The following LRMDA variants were observed in gnomAD, a reference collection of about 807,000 sequenced individuals.
LRMDA encodes leucine-rich melanocyte differentiation-associated protein.
In LRMDA, 18 loss-of-function variants were observed where a neutral mutation model predicts 29.8. The ratio of observed to expected loss-of-function variants is 0.60; its 90% CI spans 0.42 to 0.90. The LOEUF is 0.90. Ranked by LOEUF, LRMDA falls within the 40% of genes least tolerant of loss-of-function variation. The pLI is 0.00. For synonymous variants in LRMDA, 125 were observed against 109.4 expected, an observed-to-expected ratio of 1.14 and a Z score of -0.89; for missense variants, 273 against 273.9, an observed-to-expected ratio of 1.00 and a Z score of 0.02.
intron 2 of LRMDA, among the ~76,000 whole-genome samples, chr10:76,007,970 AG>A (rs1312196650): frequency 6.6e-6 from 1 of 152,196 alleles, no homozygotes; most frequent in African/African-American, 2.4e-5. Context: ...AGAGATGATG[AG>A]TGTTCCGAAC....
chr10:75,566,200 C>A (rs190556727), intron 2 of LRMDA, among the ~76,000 whole-genome samples: 1 of 152,272 alleles, frequency 6.6e-6, no homozygotes, highest in African/African-American at 2.4e-5. Context: ...ATTCTTGATT[C>A]CCACAGCACT....
intron 2 of LRMDA, among the ~76,000 whole-genome samples, chr10:75,486,535 G>T (rs2132057288): frequency 6.6e-6 from 1 of 152,306 alleles, no homozygotes; most frequent in East Asian, 1.9e-4. Context: ...GGAGTTGACT[G>T]AGAGAGCATT....
chr10:75,800,241 A>T (rs983337265), intron 2 of LRMDA, among the ~76,000 whole-genome samples: 4 of 152,186 alleles, frequency 2.6e-5, no homozygotes, highest in Non-Finnish European at 4.4e-5. Flanking sequence ...ACCTCTGATC[A>T]TAGTCTCTGC....
intron 2 of LRMDA, among the ~76,000 whole-genome samples, chr10:76,017,083 T>C (rs1847890929): frequency 6.6e-6 from 1 of 152,238 alleles, no homozygotes; most frequent in African/African-American, 2.4e-5. Context: ...TAAGAAGCGC[T>C]CATACTGGAG....
At chr10:76,066,463 C>G (rs1191409816) in intron 5 of LRMDA, among the ~76,000 whole-genome samples, 5 of 152,178 alleles carry the variant, frequency 3.3e-5, no homozygotes, top group African/African-American at 1.2e-4. Context: ...GGAACCAGGT[C>G]CTTTTTTTCC....
intron 5 of LRMDA, among the ~76,000 whole-genome samples, chr10:76,068,331 A>G (rs1055649017): frequency 2.6e-5 from 4 of 152,206 alleles, no homozygotes; most frequent in African/African-American, 9.7e-5. Context: ...TGTGGAGAAG[A>G]TAAAGTAGTA....
intron 5 of LRMDA, among the ~76,000 whole-genome samples, chr10:76,073,380 T>C (rs1848905217): frequency 6.6e-6 from 1 of 152,204 alleles, no homozygotes; most frequent in African/African-American, 2.4e-5. Flanking sequence ...TTTAATGTTT[T>C]ACTTTTTACT....
At chr10:76,324,880 G>T (rs113166239) in intron 6 of LRMDA, among the ~76,000 whole-genome samples, 2,056 of 152,232 alleles carry the variant, frequency 0.014, 27 homozygotes, top group African/African-American at 0.035. Flanking sequence ...CAAAATGAAT[G>T]AACTCTATGT....
intron 2 of LRMDA, among the ~76,000 whole-genome samples, chr10:75,753,939 T>C (rs1842996564): frequency 6.6e-6 from 1 of 152,240 alleles, no homozygotes; most frequent in Non-Finnish European, 1.5e-5. Context: ...TAGCATTTGC[T>C]GGTGCATTGA....
chr10:76,057,909 G>A (rs1372191670), intron 4 of LRMDA, among the ~76,000 whole-genome samples: 2 of 152,148 alleles, frequency 1.3e-5, no homozygotes, highest in Non-Finnish European at 2.9e-5. Flanking sequence ...CTGGCCAAGT[G>A]GTTATTCTTG....
intron 5 of LRMDA, among the ~76,000 whole-genome samples, chr10:76,079,739 G>T (rs1292870480): frequency 6.6e-6 from 1 of 152,192 alleles, no homozygotes; most frequent in East Asian, 1.9e-4. Context: ...CTCTAGTCTA[G>T]AATCATCTGA....
chr10:76,095,112 T>G (rs781052809), intron 5 of LRMDA, among the ~76,000 whole-genome samples: 1 of 152,186 alleles, frequency 6.6e-6, no homozygotes, highest in Non-Finnish European at 1.5e-5. Flanking sequence ...TCTGGAAAAT[T>G]ACCTCCTGTA....
intron 5 of LRMDA, among the ~76,000 whole-genome samples, chr10:76,061,882 A>G (rs138615771): frequency 1.6e-4 from 24 of 152,308 alleles, no homozygotes; most frequent in African/African-American, 5.3e-4. Context: ...TTTCAGAGAT[A>G]GGCAGTGGTA....
intron 6 of LRMDA, among the ~76,000 whole-genome samples, chr10:76,511,723 G>A (rs1325740913): frequency 1.3e-5 from 2 of 151,302 alleles, no homozygotes; most frequent in Non-Finnish European, 2.9e-5. Context: ...AAAAATTAAA[G>A]AAGAGCAAAA....
chr10:76,394,681 C>T (rs1375934205), intron 6 of LRMDA, among the ~76,000 whole-genome samples: 1 of 152,154 alleles, frequency 6.6e-6, no homozygotes, highest in Non-Finnish European at 1.5e-5. Context: ...TGGCTCTTCA[C>T]AACAGAATGC....
chr10:76,008,162 T>C (rs1323452507), intron 2 of LRMDA, among the ~76,000 whole-genome samples: 4 of 152,042 alleles, frequency 2.6e-5, no homozygotes, highest in Non-Finnish European at 4.4e-5. Flanking sequence ...GGTGTTTGCG[T>C]TGGGGTGGCT....
intron 5 of LRMDA, among the ~76,000 whole-genome samples, chr10:76,286,278 C>G (rs1840269717): frequency 6.6e-6 from 1 of 152,174 alleles, no homozygotes; most frequent in Non-Finnish European, 1.5e-5. Context: ...GTCACCGATG[C>G]ATTAAAGGGC....
intron 2 of LRMDA, among the ~76,000 whole-genome samples, chr10:75,668,163 C>T (rs771626666): frequency 6.6e-6 from 1 of 152,212 alleles, no homozygotes; most frequent in Non-Finnish European, 1.5e-5. Context: ...ACCATACCTG[C>T]CTGGATCTCT....
chr10:75,462,669 AGG>A (rs1844601436), intron 2 of LRMDA, among the ~76,000 whole-genome samples: 1 of 152,188 alleles, frequency 6.6e-6, no homozygotes, highest in South Asian at 2.1e-4. Context: ...TAACAGGATG[AGG>A]TTATCAGGCA....
Sources: gnomAD v4.1 joint callset for allele counts (sites outside exome capture counted in the v4.1 genomes callset) on GRCh38, gnomAD v4.1.1 for gene constraint, MANE v1.5 for transcripts, NCBI Gene and HGNC (gene_info 2026-07-23, HGNC 2026-07-21) for gene names.